MAN1C1: variants seen among roughly 807,000 people sequenced by gnomAD.
MAN1C1 encodes mannosidase alpha class 1C member 1, also known as mannosyl-oligosaccharide 1,2-alpha-mannosidase IC.
MAN1C1 carries 49 observed loss-of-function variants against 71.5 expected under a neutral mutation model. That is an observed-to-expected ratio of 0.69 (90% CI 0.54 to 0.87). The LOEUF is 0.87. Ranked by LOEUF, MAN1C1 falls within the 40% of genes least tolerant of loss-of-function variation. The pLI, the probability that MAN1C1 is intolerant of heterozygous loss-of-function variation, is 0.00. For synonymous variants in MAN1C1, 352 were observed against 343.7 expected, an observed-to-expected ratio of 1.02 and a Z score of -0.27; for missense variants, 743 against 835.0, an observed-to-expected ratio of 0.89 and a Z score of 1.36.
At chr1:25,635,991 G>C (rs2045454647) in intron 1 of MAN1C1, among the ~76,000 whole-genome samples, 1 of 152,164 alleles carries the variant, frequency 6.6e-6, no homozygotes, top group Admixed American at 6.5e-5. Flanking sequence ...ATATCGGTAG[G>C]ACCGTGATGC....
intron 2 of MAN1C1, among the ~76,000 whole-genome samples, chr1:25,692,754 G>A (rs1271319873): frequency 6.6e-6 from 1 of 152,198 alleles, no homozygotes; most frequent in Non-Finnish European, 1.5e-5. Context: ...CTCTGGGTTG[G>A]TGTGTGCCAC....
chr1:25,738,887 C>T (rs2047018628), intron 2 of MAN1C1, among the ~76,000 whole-genome samples: 1 of 152,160 alleles, frequency 6.6e-6, no homozygotes, highest in African/African-American at 2.4e-5. Context: ...TCAAGCCAGG[C>T]ACAGTGGCTC....
At chr1:25,624,392 T>G (rs1465948659) in intron 1 of MAN1C1, among the ~76,000 whole-genome samples, 1 of 148,170 alleles carries the variant, frequency 6.7e-6, no homozygotes, top group Non-Finnish European at 1.5e-5. Flanking sequence ...GGGACTCAGT[T>G]GCGGGTGTTT....
At chr1:25,720,555 C>T (rs1032939977) in intron 2 of MAN1C1, among the ~76,000 whole-genome samples, 1 of 152,172 alleles carries the variant, frequency 6.6e-6, no homozygotes, top group Non-Finnish European at 1.5e-5. Context: ...TGTAGAAGTT[C>T]TCCGTTTGTT....
rs770118162 is a variant in MAN1C1 at position 25,783,744 on chromosome 1, G to A, written c.1848G>A (p.Pro616=). 1.8e-5 allele frequency: 29 copies of A among 1,612,988 alleles called. No homozygotes were observed. The highest frequency in any genetic ancestry group is 2.2e-5 in the South Asian group (2 of 91,088). The change falls in exon 12 of 12, where the codon CCG becomes CCA. Residue 616 remains proline, a synonymous_variant. Coordinates refer to ENST00000374332, the MANE Select transcript of MAN1C1 (RefSeq NM_020379.4). ...TCAACACCGAGGCCCACCCACTCCC[G>A]GTGAACCACTCAGACAGCTCCGGCA... ...WVFNTEAHPL[P]VNHSDSSGRA...
At chr1:25,696,119 G>A (rs1020567652) in intron 2 of MAN1C1, among the ~76,000 whole-genome samples, 1 of 152,210 alleles carries the variant, frequency 6.6e-6, no homozygotes, top group African/African-American at 2.4e-5. Context: ...TGGTGGCAGC[G>A]TGTTCCGCCC....
At chr1:25,772,617 T>C (rs2047569145) in intron 8 of MAN1C1, among the ~76,000 whole-genome samples, 1 of 152,198 alleles carries the variant, frequency 6.6e-6, no homozygotes, top group African/African-American at 2.4e-5. Flanking sequence ...CACTACCTCC[T>C]TATTTTCTCT....
At chr1:25,637,486 G>A (rs1352008180) in intron 1 of MAN1C1, among the ~76,000 whole-genome samples, 2 of 152,006 alleles carry the variant, frequency 1.3e-5, no homozygotes, top group Non-Finnish European at 2.9e-5. Flanking sequence ...GGTCTATATT[G>A]GCAAATGTTC....
intron 7 of MAN1C1, among the ~76,000 whole-genome samples, chr1:25,766,313 C>T (rs1168889206): frequency 6.6e-6 from 1 of 151,942 alleles, no homozygotes; most frequent in Non-Finnish European, 1.5e-5. Context: ...CCTTGGTGCC[C>T]GGGGTCATCT....
At chr1:25,678,326 A>G (rs149997972) in intron 1 of MAN1C1, among the ~76,000 whole-genome samples, 1 of 152,370 alleles carries the variant, frequency 6.6e-6, no homozygotes, top group East Asian at 1.9e-4. Context: ...TGGAACAAAT[A>G]TCTGTCTTGT....
intron 1 of MAN1C1, among the ~76,000 whole-genome samples, chr1:25,640,331 A>G (rs771891405): frequency 1.1e-4 from 17 of 152,208 alleles, no homozygotes; most frequent in Admixed American, 2.0e-4. Context: ...CTTGGAATGA[A>G]CTTTTGAGAG....
In MAN1C1 at chr1:25,753,667, C is replaced by T. The variant is rs1451377234; in HGVS notation, c.929+89C>T. The T allele has an allele frequency of 2.5e-6, 3 of 1,191,150 alleles. No individual in the cohort carries two copies. The highest frequency in any genetic ancestry group is 1.4e-5 in the South Asian group (1 of 71,418). The allele number at this position is 1,191,150 out of a possible 1,614,324, so 73.8% of individuals were successfully genotyped here. ...TCTGGGTGGTGCTGGTGAGGAGGCT[C>T]CAGGGGCAGTAGGCAGGCAAGCAGG... On this transcript the variant is annotated intron_variant, in intron 5 of 11. Coordinates refer to ENST00000374332, the MANE Select transcript of MAN1C1 (RefSeq NM_020379.4). The surrounding 1 kb of genome is among the most constrained non-coding windows in gnomAD (Gnocchi z 4.9).
chr1:25,781,545 C>T (rs1305864549), intron 10 of MAN1C1, among the ~76,000 whole-genome samples: 1 of 152,198 alleles, frequency 6.6e-6, no homozygotes, highest in African/African-American at 2.4e-5. Context: ...CCACCCTAGT[C>T]TCTACTGGCC....
chr1:25,714,191 C>T (rs988166183), intron 2 of MAN1C1, among the ~76,000 whole-genome samples: 12 of 152,220 alleles, frequency 7.9e-5, no homozygotes, highest in Admixed American at 7.2e-4. Flanking sequence ...TGTGTCTCTT[C>T]GGTACAAATT....
At chr1:25,754,074 C>A (rs905600949) in intron 5 of MAN1C1, among the ~76,000 whole-genome samples, 7 of 152,162 alleles carry the variant, frequency 4.6e-5, no homozygotes, top group Non-Finnish European at 7.3e-5. Flanking sequence ...CCAGCCCTCC[C>A]AAACAGGAGC....
chr1:25,758,650 C>T lies in MAN1C1; in HGVS notation c.988C>T (p.Leu330=), dbSNP rs966526259. The T allele has an allele frequency of 1.9e-6, 3 of 1,614,184 alleles. No homozygotes were observed. Among genetic ancestry groups the T allele is most frequent in the African/African-American group, 1.3e-5 (1 of 75,048 alleles). ...CAGCATCTTGGCGGAGTTTGGATCC[C>T]TGCACTTGGAATTCTTACACCTCAC... The part of the protein sequence containing the change: ...SSSILAEFGS[L]HLEFLHLTEL... The change falls in exon 6 of 12, where the codon CTG becomes TTG. Residue 330 remains leucine, a synonymous_variant. Transcript: ENST00000374332.
In MAN1C1 at chr1:25,675,590, G is replaced by A. The variant is rs796769417; in HGVS notation, c.541-10850G>A. On this transcript the variant is annotated intron_variant, in intron 1 of 11. Transcript: ENST00000374332. ...CATATAATGACTTATTTTGCGGGGG[G>A]GGGGGGAGGTGGTTACCCAGTGTGG... Among the ~76,000 whole-genome samples, 210 of 132,798 alleles carry A rather than the reference G, an allele frequency of 1.6e-3. 6 individuals are homozygous for A. The South Asian group carries it at 0.027, about 17-fold the overall frequency. The allele number at this position is 132,798 out of a possible 152,430, so 87.1% of individuals were successfully genotyped here. A position where few individuals can be genotyped will look rare whatever the true frequency, so the allele number is the denominator to read the frequency against.
intron 1 of MAN1C1, among the ~76,000 whole-genome samples, chr1:25,635,466 G>A (rs1327738366): frequency 7.5e-6 from 1 of 133,638 alleles, no homozygotes; most frequent in Non-Finnish European, 1.6e-5. Flanking sequence ...ATGTGTGTGT[G>A]TGAGACAGAG....
chr1:25,618,946 G>A (rs2045161255), intron 1 of MAN1C1, among the ~76,000 whole-genome samples: 1 of 152,090 alleles, frequency 6.6e-6, no homozygotes, highest in African/African-American at 2.4e-5. Flanking sequence ...GTACATAATT[G>A]CATATGATGC....
Sources: gnomAD v4.1 joint callset for allele counts (sites outside exome capture counted in the v4.1 genomes callset) on GRCh38, gnomAD v4.1.1 for gene constraint, Gnocchi (gnomAD v3.1) non-coding constraint, MANE v1.5 for transcripts, NCBI Gene and HGNC (gene_info 2026-07-23, HGNC 2026-07-21) for gene names.